TRIM44: variants seen among roughly 807,000 people sequenced by gnomAD.
The protein encoded by TRIM44 is tripartite motif-containing protein 44.
TRIM44 carries 13 observed loss-of-function variants against 37.4 expected under a neutral mutation model. The observed-to-expected ratio is 0.35, with a 90% CI of 0.23 to 0.55. The LOEUF (loss-of-function observed/expected upper bound fraction) is 0.55, where lower values mean the gene tolerates loss of function less well. Among genes scored for constraint, TRIM44 ranks in the 20% least tolerant of loss-of-function variants. The probability of loss-of-function intolerance (pLI) is 0.89; values close to 1 mark genes in which losing one functional copy is unlikely to be tolerated. For missense variants in TRIM44, 426 were observed against 437.2 expected (o/e 0.97, Z 0.23); for synonymous variants, 175 against 157.2 (o/e 1.11, Z -0.85).
chr11:35,778,964 C>T (rs913149592), intron 4 of TRIM44, among the ~76,000 whole-genome samples: 1 of 152,242 alleles, frequency 6.6e-6, no homozygotes, highest in Non-Finnish European at 1.5e-5. Context: ...AACCACTACT[C>T]TCTTCAAAGC....
intron 4 of TRIM44, among the ~76,000 whole-genome samples, chr11:35,765,843 G>T (rs543237874): frequency 1.3e-5 from 2 of 152,054 alleles, no homozygotes; most frequent in Non-Finnish European, 2.9e-5. Flanking sequence ...TATTCTTTCA[G>T]TTCTTCTTTG....
intron 2 of TRIM44, among the ~76,000 whole-genome samples, chr11:35,706,545 A>T (rs1300975446): frequency 6.6e-6 from 1 of 152,224 alleles, no homozygotes; most frequent in African/African-American, 2.4e-5. Context: ...CCAGCAGCAC[A>T]TCAAAAAGCT....
intron 2 of TRIM44, among the ~76,000 whole-genome samples, chr11:35,714,452 A>G (rs1287234657): frequency 6.6e-6 from 1 of 152,176 alleles, no homozygotes; most frequent in Non-Finnish European, 1.5e-5. Flanking sequence ...ACTCTATCAA[A>G]GTCCATATGC....
At chr11:35,769,899 AT>A (rs879776164) in intron 4 of TRIM44, among the ~76,000 whole-genome samples, 2,418 of 152,142 alleles carry the variant, frequency 0.016, 29 homozygotes, top group Non-Finnish European at 0.026. Flanking sequence ...GAATTTATTT[AT>A]TTTTTTTATA....
At chr11:35,746,867 A>G (rs150773172) in intron 4 of TRIM44, among the ~76,000 whole-genome samples, 1 of 152,274 alleles carries the variant, frequency 6.6e-6, no homozygotes, top group East Asian at 1.9e-4. Context: ...TAAATGCCTC[A>G]TTCCTTCTTA....
chr11:35,667,805 G>A (rs950604872), intron 1 of TRIM44, among the ~76,000 whole-genome samples: 1 of 152,146 alleles, frequency 6.6e-6, no homozygotes, highest in Non-Finnish European at 1.5e-5. Flanking sequence ...GCATTTCTGG[G>A]ATATCCTTGA....
At chr11:35,696,343 C>G (rs1018768410) in intron 2 of TRIM44, among the ~76,000 whole-genome samples, 1 of 151,198 alleles carries the variant, frequency 6.6e-6, no homozygotes, top group Non-Finnish European at 1.5e-5. Flanking sequence ...GGGGTTTCAC[C>G]ATGTTAGCCA....
In TRIM44 at chr11:35,806,381, C is replaced by T. The variant is rs957513618; in HGVS notation, c.1031C>T (p.Thr344Ile). 4 of 1,613,700 alleles carry T rather than the reference C, an allele frequency of 2.5e-6. No individual in the cohort carries two copies. Among genetic ancestry groups the T allele is most frequent in the Non-Finnish European group, 3.4e-6 (4 of 1,179,696 alleles). ...AGTGGTGCCAGTGAAGAAGAGGACACATGAAGGCTTGCTACCCCCAGTGGA... is the reference window on the plus strand; with the variant it reads ...AGTGGTGCCAGTGAAGAAGAGGACATATGAAGGCTTGCTACCCCCAGTGGA... ...GPSGASEEED[T>I] Residue 344 changes from threonine (T) to isoleucine (I), a missense_variant, in exon 5 of 5, where the codon ACA (threonine) becomes ATA (isoleucine). Thr to Ile is a moderately conservative substitution (Grantham distance 89). Around this residue, in one of 2 missense-constraint regions of TRIM44, gnomAD observed 95 missense variants for 134.2 expected, o/e 0.71. Coordinates refer to ENST00000299413, the MANE Select transcript of TRIM44 (RefSeq NM_017583.6).
intron 4 of TRIM44, among the ~76,000 whole-genome samples, chr11:35,762,951 TA>T (rs1205721117): frequency 1.3e-5 from 2 of 152,092 alleles, no homozygotes; most frequent in African/African-American, 2.4e-5. Flanking sequence ...TTCATTCAGT[TA>T]AAAAAAATTT....
Position 35,663,540 on chromosome 11 carries a change from A to G in TRIM44, c.429A>G (p.Glu143=). 6.2e-7 allele frequency: 1 copy of G among 1,612,170 alleles called. No homozygotes were observed. Among genetic ancestry groups the G allele is most frequent in the Non-Finnish European group, 8.5e-7 (1 of 1,179,032 alleles). ...MEDEQESEAE[E]DNQEEGESEA... The stretch of plus-strand genomic sequence containing the variant: ...ATGAGCAAGAAAGCGAGGCCGAAGA[A>G]GACAACCAAGAAGAAGGGGAATCCG... The change falls in exon 1 of 5, where the codon GAA becomes GAG. Residue 143 remains glutamate (E), a synonymous_variant. Coordinates refer to ENST00000299413, the MANE Select transcript of TRIM44 (RefSeq NM_017583.6).
intron 2 of TRIM44, among the ~76,000 whole-genome samples, chr11:35,711,348 C>A (rs1026765858): frequency 6.6e-6 from 1 of 152,036 alleles, no homozygotes; most frequent in East Asian, 1.9e-4. Flanking sequence ...CTGATGTTGG[C>A]CTCTGACAGG....
chr11:35,797,186 A>G (rs1263781023), intron 4 of TRIM44, among the ~76,000 whole-genome samples: 4 of 152,248 alleles, frequency 2.6e-5, no homozygotes, highest in Non-Finnish European at 5.9e-5. Flanking sequence ...TCAATGGAAC[A>G]TAGGACCCAA....
At position 35,737,313 on chromosome 11, in the gene TRIM44, A is replaced by G. The variant is rs182522532; in HGVS notation, c.1007+1868A>G. Among the ~76,000 whole-genome samples the G allele has an allele frequency of 1.9e-3, 296 of 152,316 alleles. 2 individuals are homozygous for G. The highest frequency in any genetic ancestry group is 4.6e-3 in the South Asian group (22 of 4,820). On this transcript the variant is annotated intron_variant, in intron 4 of 4. Coordinates refer to ENST00000299413, the MANE Select transcript of TRIM44 (RefSeq NM_017583.6). ...AGCTATTAAAGATTTTTAAACAGGA[A>G]TTAACCTGAACAGATTTGCATTTTA...
intron 1 of TRIM44, among the ~76,000 whole-genome samples, chr11:35,683,821 A>G (rs991910785): frequency 5.3e-5 from 8 of 151,882 alleles, no homozygotes; most frequent in Non-Finnish European, 1.2e-4. Flanking sequence ...ACTTTTTACA[A>G]CATCTAGATG....
At chr11:35,737,839 A>T (rs1332601429) in intron 4 of TRIM44, among the ~76,000 whole-genome samples, 1 of 152,192 alleles carries the variant, frequency 6.6e-6, no homozygotes, top group African/African-American at 2.4e-5. Flanking sequence ...TCCATCTCAT[A>T]AAAACAAAAA....
intron 2 of TRIM44, among the ~76,000 whole-genome samples, chr11:35,698,553 A>AT (rs1335885423): frequency 3.4e-5 from 2 of 59,142 alleles, no homozygotes; most frequent in African/African-American, 1.8e-4. Context: ...GATGATGAGC[A>AT]TTTTTTCATG....
chr11:35,726,195 A>G, intron 3 of TRIM44, 32 bp downstream of exon 3: 1 of 1,607,744 alleles, frequency 6.2e-7, no homozygotes, highest in Non-Finnish European at 8.5e-7. Context: ...ATTAGTAGCA[A>G]GAGAAATAGG....
chr11:35,749,247 G>C (rs1409671936), intron 4 of TRIM44, among the ~76,000 whole-genome samples: 1 of 152,198 alleles, frequency 6.6e-6, no homozygotes, highest in Admixed American at 6.5e-5. Context: ...TTAAGAAAAG[G>C]TAAAGGAAGG....
chr11:35,675,591 G>A (rs764094596), intron 1 of TRIM44, among the ~76,000 whole-genome samples: 5 of 152,096 alleles, frequency 3.3e-5, no homozygotes, highest in Admixed American at 6.5e-5. Context: ...GCACGATGTC[G>A]GCTCACTGCA....
Sources: gnomAD v4.1 joint callset for allele counts (sites outside exome capture counted in the v4.1 genomes callset) on GRCh38, gnomAD v4.1.1 for gene constraint, gnomAD v4.1.1 regional missense constraint, MANE v1.5 for transcripts, NCBI Gene and HGNC (gene_info 2026-07-23, HGNC 2026-07-21) for gene names.